Variants in TMTC4 observed in about 807,000 individuals in gnomAD.
TMTC4 encodes the protein transmembrane O-mannosyltransferase targeting cadherins 4.
Under a neutral mutation model 86.0 loss-of-function variants are expected in TMTC4, and 65 were observed. The ratio of observed to expected loss-of-function variants is 0.76; its 90% CI spans 0.62 to 0.93. The LOEUF (loss-of-function observed/expected upper bound fraction) is 0.93, where lower values mean the gene tolerates loss of function less well. Ranked by LOEUF, TMTC4 falls within the 40% of genes least tolerant of loss-of-function variation. The probability of loss-of-function intolerance (pLI) is 0.00; values close to 1 mark genes in which losing one functional copy is unlikely to be tolerated. For synonymous variants in TMTC4, 379 were observed against 382.5 expected (o/e 0.99, Z 0.11); for missense variants, 866 against 948.1 (o/e 0.91, Z 1.14).
intron 10 of TMTC4, 106 bp from the exon 11 acceptor site, chr13:100,635,301 A>G: frequency 8.3e-7 from 1 of 1,205,946 alleles, no homozygotes; most frequent in Non-Finnish European, 1.1e-6. Context: ...TTTCCATGGC[A>G]TCAACTGAGA....
intron 7 of TMTC4, among the ~76,000 whole-genome samples, chr13:100,641,273 C>G (rs942309564): frequency 2.0e-5 from 3 of 152,192 alleles, no homozygotes; most frequent in Non-Finnish European, 4.4e-5. Context: ...AAATACTAGA[C>G]TAGTTATTAA....
chr13:100,674,119 G>A (rs1887502365), intron 1 of TMTC4: 1 of 984,512 alleles, frequency 1.0e-6, no homozygotes, highest in African/African-American at 1.7e-5. Context: ...CCACCTGCTC[G>A]GCTTCCCCAA....
chr13:100,638,259 T>C (rs1882545430), intron 7 of TMTC4: 1 of 440,876 alleles, frequency 2.3e-6, no homozygotes, highest in Non-Finnish European at 4.0e-6. Context: ...GATTTCACAG[T>C]CTGCGTGTAG....
intron 7 of TMTC4, 83 bp downstream of exon 7, chr13:100,642,128 A>T (rs1883093118): frequency 7.0e-7 from 1 of 1,437,426 alleles, no homozygotes; most frequent in Non-Finnish European, 9.7e-7. Context: ...AACGCCACAG[A>T]GGCAGGGCCA....
intron 12 of TMTC4, 124 bp from the exon 13 acceptor site, chr13:100,626,274 C>A (rs1489029252): frequency 1.0e-6 from 1 of 976,730 alleles, no homozygotes; most frequent in Admixed American, 2.0e-5. Flanking sequence ...CCCACCAGAA[C>A]TTTAGCTAAA....
chr13:100,670,470 G>T lies in TMTC4; in HGVS notation c.-108C>A. On this transcript the variant is annotated 5_prime_UTR_variant, in exon 2 of 19. It adds an upstream start codon to the 5' untranslated region. Coordinates refer to ENST00000342624, the MANE Select transcript of TMTC4 (RefSeq NM_032813.5). ...CACTGCTTGTCTCTCGAGCCTCACA[G>T]CCTGGCATACGGCATGCTCTCAGCA... The T allele has an allele frequency of 8.2e-7, 1 of 1,224,704 alleles. No homozygotes were observed. The highest frequency in any genetic ancestry group is 1.1e-6 in the Non-Finnish European group (1 of 879,794). 75.9% of individuals were successfully genotyped at this position (1,224,704 alleles called of 1,614,324 possible).
At chr13:100,628,673 G>A (rs1399303931) in intron 12 of TMTC4, among the ~76,000 whole-genome samples, 1 of 152,108 alleles carries the variant, frequency 6.6e-6, no homozygotes, top group Admixed American at 6.6e-5. Flanking sequence ...GATAGAATGG[G>A]GCTCCCAGCT....
At chr13:100,614,870 A>G (rs1188315626) in intron 15 of TMTC4, 1 of 962,348 alleles carries the variant, frequency 1.0e-6, no homozygotes, top group Non-Finnish European at 1.2e-6. Context: ...TTGATAAAGT[A>G]TTACTTAGAA....
chr13:100,656,154 T>C (rs980137874), intron 6 of TMTC4, among the ~76,000 whole-genome samples: 2 of 152,186 alleles, frequency 1.3e-5, no homozygotes, highest in African/African-American at 4.8e-5. Context: ...CAATACCTAA[T>C]AGGATAGGCC....
chr13:100,659,486 G>A (rs1223333139), intron 5 of TMTC4, among the ~76,000 whole-genome samples: 2 of 152,034 alleles, frequency 1.3e-5, no homozygotes, highest in African/African-American at 4.8e-5. Context: ...TTGGAATTCA[G>A]ACAAAGTGAA....
At chr13:100,648,340 T>A (rs895269071) in intron 6 of TMTC4, among the ~76,000 whole-genome samples, 4 of 152,068 alleles carry the variant, frequency 2.6e-5, no homozygotes, top group East Asian at 1.9e-4. Context: ...AAAAAAAAAA[T>A]GTGAACATTT....
At chr13:100,670,704 T>G (rs1253469796) in intron 1 of TMTC4, 135 bp from the exon 2 acceptor site, 1 of 249,960 alleles carries the variant, frequency 4.0e-6, no homozygotes, top group Admixed American at 5.6e-5. Flanking sequence ...ATCCCAGCAC[T>G]TTGGGAGGCC....
intron 12 of TMTC4, among the ~76,000 whole-genome samples, chr13:100,633,728 G>C (rs1049957233): frequency 7.2e-5 from 11 of 152,364 alleles, no homozygotes; most frequent in African/African-American, 2.4e-4. Context: ...CCTAGGCTAT[G>C]TGTGGTCTAG....
chr13:100,669,700 G>C (rs1297394501), intron 2 of TMTC4, among the ~76,000 whole-genome samples: 1 of 152,102 alleles, frequency 6.6e-6, no homozygotes, highest in Non-Finnish European at 1.5e-5. Flanking sequence ...ACGCCCAGTG[G>C]TCAGCGGTGC....
At chr13:100,626,040 A>C (rs755989212) in intron 13 of TMTC4, 31 bp downstream of exon 13, 16 of 1,613,574 alleles carry the variant, frequency 9.9e-6, no homozygotes, top group Non-Finnish European at 1.4e-5. Context: ...ATCTGTGTAC[A>C]TAATTCTTCT....
Position 100,662,978 on chromosome 13 carries a change from C to T in TMTC4, c.538G>A (p.Val180Met). Reference protein sequence around the residue: ...LAALLFAVHPVHTECVAGVVG... With the variant: ...LAALLFAVHPMHTECVAGVVG... ...ACGACACTTACACACTCGGTGTGCA[C>T]AGGATGGACAGCAAACAGCAGCGCG... The change falls in exon 5 of 19, where the codon GTG (valine) becomes ATG (methionine). Residue 180 changes from valine (V) to methionine (M), a missense_variant. Transcript: ENST00000342624. 1 of 1,613,932 alleles carries T rather than the reference C, an allele frequency of 6.2e-7. No individual in the cohort carries two copies.
chr13:100,637,764 A>G (rs765752484), intron 8 of TMTC4, 62 bp from the exon 9 acceptor site: 8 of 1,590,752 alleles, frequency 5.0e-6, no homozygotes, highest in African/African-American at 1.3e-5. Context: ...TGGCTGAGCC[A>G]GGTACAGATG....
At chr13:100,613,083 T>C (rs925074514) in intron 16 of TMTC4, among the ~76,000 whole-genome samples, 4 of 152,214 alleles carry the variant, frequency 2.6e-5, no homozygotes, top group African/African-American at 4.8e-5. Context: ...GCCTCAAATA[T>C]TGATCATTTC....
intron 1 of TMTC4, chr13:100,673,259 A>G (rs1175985844): frequency 1.0e-6 from 1 of 962,832 alleles, no homozygotes; most frequent in Non-Finnish European, 1.2e-6. Context: ...TGAGGGCCCA[A>G]TGACAGCTGA....
Sources: gnomAD v4.1 joint callset for allele counts (sites outside exome capture counted in the v4.1 genomes callset) on GRCh38, gnomAD v4.1.1 for gene constraint, MANE v1.5 for transcripts, NCBI Gene and HGNC (gene_info 2026-07-23, HGNC 2026-07-21) for gene names.